Variants in LAMA2 observed in about 807,000 individuals in gnomAD.
The protein encoded by LAMA2 is laminin subunit alpha 2.
A neutral mutation model predicts 364.8 loss-of-function variants in LAMA2; 269 were observed. That is an observed-to-expected ratio of 0.74 (90% CI 0.67 to 0.82). The LOEUF is 0.82. LAMA2 is among the 40% of genes least tolerant of loss of function. The probability of loss-of-function intolerance (pLI) is 0.00; values close to 1 mark genes in which losing one functional copy is unlikely to be tolerated. For missense variants in LAMA2, 3,807 were observed against 3,873.2 expected, an observed-to-expected ratio of 0.98 and a Z score of 0.45; for synonymous variants, 1,379 against 1,370.6, an observed-to-expected ratio of 1.01 and a Z score of -0.14.
Position 129,192,821 on chromosome 6 carries a change from T to C in LAMA2, c.1750T>C (p.Trp584Arg). Residue 584 changes from tryptophan to arginine, a missense_variant, in exon 12 of 65, where the codon TGG becomes CGG. Transcript: ENST00000421865. ...ARQALPHSYY[W>R]SAPAPYLGNK... ...GCAAGCCCTGCCGCACAGCTACTAC[T>C]GGAGCGCGCCGGCTCCCTATCTGGG... The C allele has an allele frequency of 6.2e-7, 1 of 1,614,172 alleles. No homozygotes were observed. The highest frequency in any genetic ancestry group is 1.1e-5 in the South Asian group (1 of 91,080).
At chr6:129,068,821 A>T (rs1773107590) in intron 3 of LAMA2, among the ~76,000 whole-genome samples, 1 of 152,204 alleles carries the variant, frequency 6.6e-6, no homozygotes, top group African/African-American at 2.4e-5. Context: ...TTTGTAACAG[A>T]GAAGTCTGGG....
At chr6:129,126,608 A>G (rs553355106) in intron 4 of LAMA2, among the ~76,000 whole-genome samples, 1 of 152,206 alleles carries the variant, frequency 6.6e-6, no homozygotes, top group Non-Finnish European at 1.5e-5. Flanking sequence ...TTTTACAAAT[A>G]CAAAGAAAGC....
At chr6:129,055,110 C>T (rs1788376500) in intron 2 of LAMA2, among the ~76,000 whole-genome samples, 1 of 150,742 alleles carries the variant, frequency 6.6e-6, no homozygotes, top group Admixed American at 6.6e-5. Context: ...TGTATTTCCC[C>T]ATTTTTATTT....
chr6:128,941,672 A>G (rs552530857), intron 1 of LAMA2, among the ~76,000 whole-genome samples: 3 of 152,344 alleles, frequency 2.0e-5, no homozygotes, highest in Admixed American at 2.0e-4. Context: ...GCTCAGAACT[A>G]AAAAATAAAA....
chr6:128,918,590 C>G (rs1778497822), intron 1 of LAMA2, among the ~76,000 whole-genome samples: 1 of 152,122 alleles, frequency 6.6e-6, no homozygotes, highest in Non-Finnish European at 1.5e-5. Context: ...AACTAAAAAC[C>G]TAGTGGTCTT....
At chr6:129,130,929 C>T (rs1217535588) in intron 4 of LAMA2, among the ~76,000 whole-genome samples, 2 of 152,054 alleles carry the variant, frequency 1.3e-5, no homozygotes, top group Non-Finnish European at 2.9e-5. Flanking sequence ...GAAATGAAAA[C>T]AAACAAACAA....
chr6:128,985,667 C>G (rs1459024426), intron 1 of LAMA2, among the ~76,000 whole-genome samples: 5 of 152,000 alleles, frequency 3.3e-5, no homozygotes, highest in African/African-American at 1.2e-4. Flanking sequence ...ATAATTATCA[C>G]CCATCAACTA....
At chr6:129,479,759 C>G (rs2275211) in intron 54 of LAMA2, 1 of 151,888 alleles carries the variant, frequency 6.6e-6, no homozygotes, top group Non-Finnish European at 1.5e-5. Flanking sequence ...AAATCCACCA[C>G]TTGAATGATG....
intron 17 of LAMA2, among the ~76,000 whole-genome samples, chr6:129,278,509 T>C (rs1376211610): frequency 6.6e-6 from 1 of 152,196 alleles, no homozygotes; most frequent in Non-Finnish European, 1.5e-5. Flanking sequence ...GGAAATCCTT[T>C]TTTTTTATTT....
chr6:128,929,598 C>G (rs557958483), intron 1 of LAMA2: 18 of 1,325,226 alleles, frequency 1.4e-5, no homozygotes, highest in South Asian at 3.5e-5. Flanking sequence ...GCCCCAGATG[C>G]CGCAAAAGCG....
At chr6:128,927,938 T>C (rs1033061295) in intron 1 of LAMA2, among the ~76,000 whole-genome samples, 5 of 152,224 alleles carry the variant, frequency 3.3e-5, no homozygotes, top group Admixed American at 6.5e-5. Context: ...TTATAGGTCT[T>C]TCAGAATTTG....
In LAMA2 at chr6:129,434,553, ATCT is replaced by A. The variant is rs781590125; in HGVS notation, c.5969-4085_5969-4083del. ...AATAAAACTATGGATTATAAATTAA[ATCT>A]TCTTCTTATTCTCCAGAAATCACAA... On this transcript the variant is annotated intron_variant, in intron 41 of 64. Transcript: ENST00000421865. Among the ~76,000 whole-genome samples the A allele has an allele frequency of 1.7e-3, 254 of 152,264 alleles. 1 individual carries two copies. The highest frequency in any genetic ancestry group is 1.6e-3 in the Non-Finnish European group (111 of 68,016).
At chr6:129,265,995 A>G (rs987382012) in intron 15 of LAMA2, among the ~76,000 whole-genome samples, 3 of 152,128 alleles carry the variant, frequency 2.0e-5, no homozygotes, top group Non-Finnish European at 2.9e-5. Context: ...TTGATGTTCA[A>G]ATTTGAGAGT....
intron 1 of LAMA2, among the ~76,000 whole-genome samples, chr6:128,907,116 C>G (rs1227316687): frequency 7.0e-6 from 1 of 143,406 alleles, no homozygotes; most frequent in Admixed American, 7.0e-5. Flanking sequence ...CTTGGCGATG[C>G]GGGCTCTTTT....
At chr6:129,302,666 A>G (rs899342011) in intron 22 of LAMA2, among the ~76,000 whole-genome samples, 4 of 152,014 alleles carry the variant, frequency 2.6e-5, no homozygotes, top group Non-Finnish European at 5.9e-5. Flanking sequence ...GGTAATGGTC[A>G]GAGCTCACTT....
chr6:129,465,320 G>C (rs757568190), intron 51 of LAMA2, 31 bp downstream of exon 51: 2 of 1,565,956 alleles, frequency 1.3e-6, no homozygotes, highest in Non-Finnish European at 1.8e-6. Context: ...TGCAATATAG[G>C]CCTTAATCAT....
chr6:129,005,790 C>T (rs548653894), intron 1 of LAMA2, among the ~76,000 whole-genome samples: 2 of 150,662 alleles, frequency 1.3e-5, no homozygotes, highest in South Asian at 2.1e-4. Context: ...TTACAAGTTT[C>T]AGTACAATTT....
chr6:128,979,728 C>T (rs1782750245), intron 1 of LAMA2, among the ~76,000 whole-genome samples: 2 of 152,168 alleles, frequency 1.3e-5, no homozygotes, highest in Admixed American at 1.3e-4. Flanking sequence ...GAGTTTTGTG[C>T]TCAAGCTATA....
At chr6:129,263,683 C>T (rs1749664255) in intron 15 of LAMA2, among the ~76,000 whole-genome samples, 1 of 152,124 alleles carries the variant, frequency 6.6e-6, no homozygotes. Flanking sequence ...AACATCATTA[C>T]AAGCCTTTCA....
Sources: gnomAD v4.1 joint callset for allele counts (sites outside exome capture counted in the v4.1 genomes callset) on GRCh38, gnomAD v4.1.1 for gene constraint, MANE v1.5 for transcripts, NCBI Gene and HGNC (gene_info 2026-07-23, HGNC 2026-07-21) for gene names.